Variants in LRP4 observed in about 807,000 individuals in gnomAD.
LRP4 encodes low-density lipoprotein receptor-related protein 4.
A neutral mutation model predicts 220.3 loss-of-function variants in LRP4; 95 were observed. The observed-to-expected ratio is 0.43, with a 90% CI of 0.37 to 0.51. The LOEUF (loss-of-function observed/expected upper bound fraction) is 0.51, where lower values mean the gene tolerates loss of function less well. Among genes scored for constraint, LRP4 ranks in the 20% least tolerant of loss-of-function variants. LRP4 has a pLI of 0.00. For missense variants in LRP4, 1,925 were observed against 2,567.0 expected, an observed-to-expected ratio of 0.75 and a Z score of 5.40; for synonymous variants, 903 against 954.6, an observed-to-expected ratio of 0.95 and a Z score of 1.00.
Position 46,899,673 on chromosome 11 carries a change from G to C in LRP4, c.431-170C>G, listed in dbSNP as rs1027766526. ...GGAGAACGGAGGCCCTGGAGAGACT[G>C]GGCCTCAGCCTCCTGGTCCACAGTT... is the stretch of plus-strand genomic sequence containing the variant. On this transcript the variant is annotated intron_variant, in intron 4 of 37. Coordinates refer to ENST00000378623, the MANE Select transcript of LRP4 (RefSeq NM_002334.4). This position sits in a 1 kb window ranked among gnomAD's most constrained non-coding sequence, Gnocchi z 5.9. Among the ~76,000 whole-genome samples, 2 of 152,160 alleles carry C rather than the reference G, an allele frequency of 1.3e-5. No individual in the cohort carries two copies. The highest frequency in any genetic ancestry group is 4.8e-5 in the African/African-American group (2 of 41,430).
intron 32 of LRP4, 131 bp from the exon 33 acceptor site, chr11:46,868,844 G>C (rs1163535942): frequency 7.8e-6 from 10 of 1,284,320 alleles, no homozygotes; most frequent in Middle Eastern, 1.8e-4. Context: ...ATACAACCGC[G>C]AGGGAGTAAA....
At chr11:46,882,220 T>C (rs1941178681) in intron 19 of LRP4, among the ~76,000 whole-genome samples, 1 of 152,060 alleles carries the variant, frequency 6.6e-6, no homozygotes, top group South Asian at 2.1e-4. Flanking sequence ...GGCGCCATGG[T>C]TCATGCCTAT....
intron 36 of LRP4, 75 bp from the exon 37 acceptor site, chr11:46,862,822 T>A: frequency 1.5e-6 from 2 of 1,347,110 alleles, no homozygotes; most frequent in South Asian, 2.4e-5. Flanking sequence ...GTAAACTGAG[T>A]CTGGTAGGCA....
At chr11:46,893,323 T>C (rs1442518302) in intron 12 of LRP4, among the ~76,000 whole-genome samples, 194 bp from the exon 13 acceptor site, 1 of 152,164 alleles carries the variant, frequency 6.6e-6, no homozygotes, top group East Asian at 1.9e-4. Context: ...ATGAGGAAAT[T>C]GAGGCACAAA....
At chr11:46,882,446 C>T (rs1279601730) in intron 19 of LRP4, among the ~76,000 whole-genome samples, 4 of 151,496 alleles carry the variant, frequency 2.6e-5, no homozygotes, top group Non-Finnish European at 5.9e-5. Context: ...CACTGCACTC[C>T]AGCCTGGGCA....
chr11:46,870,955 TGAGA>T lies in LRP4; in HGVS notation c.4692+566_4692+569del, dbSNP rs371312476. On this transcript the variant is annotated intron_variant, in intron 31 of 37. Coordinates refer to ENST00000378623, the MANE Select transcript of LRP4 (RefSeq NM_002334.4). ...GATTTATTTTATAGATAACTGAAGC[TGAGA>T]GAGGTTCAGTCACTCTAGTTCAAAG... is the stretch of plus-strand genomic sequence containing the variant. Among the ~76,000 whole-genome samples, 92 of 152,358 alleles carry T rather than the reference TGAGA, an allele frequency of 6.0e-4. 1 individual carries two copies. The East Asian group carries it at 0.013, about 22-fold the overall frequency.
rs1592542164 is a variant in LRP4 at position 46,896,087 on chromosome 11, C to A, written c.1049-69G>T. 2.5e-6 allele frequency: 4 copies of A among 1,612,566 alleles called. No individual in the cohort carries two copies. The East Asian group carries it at 8.9e-5, about 36-fold the overall frequency. ...CCCCCAGAGAGCCAACTTGGCATTC[C>A]ACCTGGACCACAAAGAACAGCTCCC... On this transcript the variant is annotated intron_variant, in intron 9 of 37. Transcript: ENST00000378623.
chr11:46,893,243 A>G, intron 12 of LRP4, 114 bp from the exon 13 acceptor site: 1 of 919,834 alleles, frequency 1.1e-6, no homozygotes, highest in Non-Finnish European at 1.8e-6. Context: ...CACTATTGTC[A>G]TCACTTCAGA....
At chr11:46,901,364 C>T (rs1565801899) in intron 2 of LRP4, among the ~76,000 whole-genome samples, 3 of 152,184 alleles carry the variant, frequency 2.0e-5, no homozygotes, top group South Asian at 2.1e-4. Context: ...CAGTTCATTA[C>T]GTAACACTCT....
chr11:46,872,214 C>A (rs773916804), intron 30 of LRP4, among the ~76,000 whole-genome samples: 1 of 152,198 alleles, frequency 6.6e-6, no homozygotes, highest in Admixed American at 6.5e-5. Context: ...CGAGATCGTG[C>A]GACTGCACTC....
At chr11:46,898,090 C>A (rs1371630187) in intron 7 of LRP4, among the ~76,000 whole-genome samples, 3 of 147,784 alleles carry the variant, frequency 2.0e-5, no homozygotes, top group African/African-American at 7.6e-5. Context: ...GGTGGCTGAC[C>A]GGGCGGGGGG....
intron 11 of LRP4, 74 bp from the exon 12 acceptor site, chr11:46,894,893 G>T: frequency 7.6e-7 from 1 of 1,310,508 alleles, no homozygotes; most frequent in Non-Finnish European, 1.1e-6. Context: ...CAGGTCTTCA[G>T]CTGACCGATG....
Position 46,862,731 on chromosome 11 carries a change from A to C in LRP4, c.5260T>G (p.Phe1754Val). 2 of 1,613,908 alleles carry C rather than the reference A, an allele frequency of 1.2e-6. No homozygotes were observed. The highest frequency in any genetic ancestry group is 2.2e-5 in the East Asian group (1 of 44,866). Reference sequence around the variant, plus strand: ...AGGTTCCCCATTCCAGGATCAGTGAACTTGGATTTTTTGTGTCTTTAGGAG... The same window carrying C: ...AGGTTCCCCATTCCAGGATCAGTGACCTTGGATTTTTTGTGTCTTTAGGAG... ...LMLYRHKKSK[F>V]TDPGMGNLTY... is the part of the protein sequence containing the mutation. The change falls in exon 37 of 38, where the codon TTC (phenylalanine) becomes GTC (valine). Residue 1754 changes from phenylalanine (F) to valine (V), a missense_variant. This residue lies in a region of LRP4 where 1,244 missense variants were observed against 1,624.9 expected (regional missense o/e 0.77). Coordinates refer to ENST00000378623, the MANE Select transcript of LRP4 (RefSeq NM_002334.4).
chr11:46,890,207 C>A lies in LRP4; in HGVS notation c.1915+70G>T. 1.2e-6 allele frequency: 2 copies of A among 1,606,284 alleles called. No individual in the cohort carries two copies. The highest frequency in any genetic ancestry group is 2.7e-5 in the African/African-American group (2 of 74,834). ...CCTGGCAACTACACAAAACCTCTACCAAGGCTCCTGGGGGGCAGGGACGGG... is the reference window on the plus strand; with the variant it reads ...CCTGGCAACTACACAAAACCTCTACAAAGGCTCCTGGGGGGCAGGGACGGG... On this transcript the variant is annotated intron_variant, in intron 14 of 37. Coordinates refer to ENST00000378623, the MANE Select transcript of LRP4 (RefSeq NM_002334.4). The surrounding 1 kb of genome is among the most constrained non-coding windows in gnomAD (Gnocchi z 5.3).
At chr11:46,908,414 AACCT>A (rs1377798824) in intron 1 of LRP4, among the ~76,000 whole-genome samples, 1 of 152,166 alleles carries the variant, frequency 6.6e-6, no homozygotes, top group Non-Finnish European at 1.5e-5. Flanking sequence ...CTTTTGCGCC[AACCT>A]AATATTATCA....
Position 46,875,123 on chromosome 11 carries a change from G to A in LRP4, c.3926-20C>T. On this transcript the variant is annotated intron_variant, in intron 27 of 37. Transcript: ENST00000378623. This position sits in a 1 kb window ranked among gnomAD's most constrained non-coding sequence, Gnocchi z 4.5. ...TAAAACCTGGTGATGAGAAGCACAAGTATTCACACCTAGCCTGGAACATCA... is the reference window on the plus strand; with the variant it reads ...TAAAACCTGGTGATGAGAAGCACAAATATTCACACCTAGCCTGGAACATCA... 2.5e-6 allele frequency: 4 copies of A among 1,608,616 alleles called. No homozygotes were observed. Among genetic ancestry groups the A allele is most frequent in the Non-Finnish European group, 3.4e-6 (4 of 1,178,986 alleles).
chr11:46,906,442 C>T (rs556090162), intron 1 of LRP4, among the ~76,000 whole-genome samples: 2 of 149,308 alleles, frequency 1.3e-5, no homozygotes, highest in Middle Eastern at 3.4e-3. Flanking sequence ...GGCAACACAG[C>T]GAGACTCTGT....
intron 33 of LRP4, among the ~76,000 whole-genome samples, chr11:46,868,329 G>A (rs902537970): frequency 3.9e-5 from 6 of 152,240 alleles, no homozygotes; most frequent in Admixed American, 2.6e-4. Flanking sequence ...GTCAGGAAGA[G>A]AGAGTGATGC....
chr11:46,904,817 T>C (rs1242224110), intron 1 of LRP4, among the ~76,000 whole-genome samples: 2 of 151,372 alleles, frequency 1.3e-5, no homozygotes, highest in African/African-American at 2.4e-5. Flanking sequence ...AGAAAAGAAA[T>C]TTACAAAAGT....
Sources: gnomAD v4.1 joint callset for allele counts (sites outside exome capture counted in the v4.1 genomes callset) on GRCh38, gnomAD v4.1.1 for gene constraint, gnomAD v4.1.1 regional missense constraint, Gnocchi (gnomAD v3.1) non-coding constraint, MANE v1.5 for transcripts, NCBI Gene and HGNC (gene_info 2026-07-23, HGNC 2026-07-21) for gene names.